HIP1R: variants seen among roughly 807,000 people sequenced by gnomAD.
HIP1R encodes huntingtin interacting protein 1 related.
A neutral mutation model predicts 144.2 loss-of-function variants in HIP1R; 135 were observed. The observed-to-expected ratio is 0.94, with a 90% confidence interval of 0.81 to 1.08. HIP1R has a LOEUF of 1.08. HIP1R is among the 50% of genes least tolerant of loss of function. The pLI is 0.00. For missense variants in HIP1R, 1,462 were observed against 1,432.8 expected (o/e 1.02, Z -0.33); for synonymous variants, 698 against 612.8 (o/e 1.14, Z -2.05).
rs932539609 is a variant in HIP1R, at chr12:122,836,107, G to A, written c.93+464G>A. 6.6e-6 allele frequency among the ~76,000 whole-genome samples: 1 copy of A among 152,144 alleles called. No homozygotes were observed. Among genetic ancestry groups the A allele is most frequent in the Non-Finnish European group, 1.5e-5 (1 of 68,006 alleles). ...CGACCTTCCGTGCCGCTCCTTGCCG[G>A]CTCCTGCCCCCGTCTCCTACCCCCT... On this transcript the variant is annotated intron_variant, in intron 1 of 31. Coordinates refer to ENST00000253083, the MANE Select transcript of HIP1R (RefSeq NM_003959.3). This position sits in a 1 kb window ranked among gnomAD's most constrained non-coding sequence, Gnocchi z 4.1.
At chr12:122,845,785 G>A (rs2033192219) in intron 1 of HIP1R, among the ~76,000 whole-genome samples, 1 of 152,200 alleles carries the variant, frequency 6.6e-6, no homozygotes, top group South Asian at 2.1e-4. Flanking sequence ...GGTGCCGGGT[G>A]CGGGGAGCTG....
In HIP1R at chr12:122,855,138, C is replaced by G; in HGVS notation, c.852+10C>G. The G allele has an allele frequency of 6.2e-7, 1 of 1,613,300 alleles. No individual in the cohort carries two copies. Among genetic ancestry groups the G allele is most frequent in the Non-Finnish European group, 8.5e-7 (1 of 1,179,890 alleles). The stretch of plus-strand genomic sequence containing the variant: ...CCCCCGGCTGCCCGAGGTACCACCC[C>G]CAAGAGGGCCCCGAGGCCCTTTGAG... On this transcript the variant is annotated intron_variant, in intron 10 of 31. Transcript: ENST00000253083.
intron 1 of HIP1R, among the ~76,000 whole-genome samples, chr12:122,841,349 G>A (rs143383371): frequency 9.2e-5 from 14 of 152,324 alleles, no homozygotes; most frequent in Non-Finnish European, 2.1e-4. Flanking sequence ...GACCAGGCTC[G>A]CCTGAGAAGT....
intron 1 of HIP1R, among the ~76,000 whole-genome samples, chr12:122,842,417 T>A (rs1429731086): frequency 6.6e-6 from 1 of 152,264 alleles, no homozygotes; most frequent in Non-Finnish European, 1.5e-5. Context: ...CCTGAAGTCG[T>A]CCAGTACTTG....
At chr12:122,854,223 T>G (rs888477699) in intron 8 of HIP1R, 40 bp downstream of exon 8, 1 of 1,586,128 alleles carries the variant, frequency 6.3e-7, no homozygotes, top group Non-Finnish European at 8.6e-7. Context: ...GAAGGCTGTG[T>G]TTATATGGCT....
chr12:122,856,807 G>A, intron 17 of HIP1R, 81 bp downstream of exon 17: 1 of 1,266,502 alleles, frequency 7.9e-7, no homozygotes. Flanking sequence ...CCGTGAACAG[G>A]CCCCACCTGG....
Position 122,854,962 on chromosome 12 carries a change from G to A in HIP1R, c.776G>A (p.Ser259Asn). The A allele has an allele frequency of 6.2e-7, 1 of 1,612,716 alleles. No individual in the cohort carries two copies. Among genetic ancestry groups the A allele is most frequent in the Non-Finnish European group, 8.5e-7 (1 of 1,179,616 alleles). The change falls in exon 9 of 32, where the codon AGC becomes AAC. Residue 259 changes from serine (S) to asparagine (N), a missense_variant and splice_region_variant. Physicochemically the swap from Ser to Asn is conservative, Grantham distance 46. Around this residue, in one of 2 missense-constraint regions of HIP1R, gnomAD observed 350 missense variants for 421.1 expected, o/e 0.83. Transcript: ENST00000253083. ...HRDRFHEQFH[S>N]LRNFFRRASD... Reference sequence around the variant, plus strand: ...GACCGGTTCCACGAGCAGTTTCACAGGTACTGCCTGGGACAGGGACAGGAT... The same window carrying A: ...GACCGGTTCCACGAGCAGTTTCACAAGTACTGCCTGGGACAGGGACAGGAT...
chr12:122,850,007 C>A, intron 5 of HIP1R, 52 bp downstream of exon 5: 2 of 1,249,954 alleles, frequency 1.6e-6, no homozygotes, highest in Non-Finnish European at 2.4e-6. Context: ...GCTTTTCCCA[C>A]TGTGACGTTA....
chr12:122,834,855 C>A, upstream of HIP1R: 1 of 852,640 alleles, frequency 1.2e-6, no homozygotes, highest in Non-Finnish European at 1.7e-6. Flanking sequence ...CAGAATTGCA[C>A]AAAGAGGGGA....
At position 122,856,423 on chromosome 12, in the gene HIP1R, C is replaced by T. The variant is rs763521245; in HGVS notation, c.1402-9C>T. ...CAGCAGAGCATGAGCCCTTCCCCTG[C>T]CCATGCAGAACGCGGACACAGCCAA... On this transcript the variant is annotated splice_polypyrimidine_tract_variant and intron_variant, in intron 15 of 31. Coordinates refer to ENST00000253083, the MANE Select transcript of HIP1R (RefSeq NM_003959.3). The T allele has an allele frequency of 1.9e-6, 3 of 1,600,634 alleles. No homozygotes were observed. Among genetic ancestry groups the T allele is most frequent in the East Asian group, 4.5e-5 (2 of 44,144 alleles).
rs1046028861 is a variant in HIP1R at position 122,836,957 on chromosome 12, G to A, written c.93+1314G>A. On this transcript the variant is annotated intron_variant, in intron 1 of 31. Coordinates refer to ENST00000253083, the MANE Select transcript of HIP1R (RefSeq NM_003959.3). This position sits in a 1 kb window ranked among gnomAD's most constrained non-coding sequence, Gnocchi z 4.1. Reference sequence around the variant, plus strand: ...CTGCAAATTACCAATTTAGCCTTGTGATCTTCATCACCATCAACTGGTTCA... The same window carrying A: ...CTGCAAATTACCAATTTAGCCTTGTAATCTTCATCACCATCAACTGGTTCA... Among the ~76,000 whole-genome samples, 2 of 152,172 alleles carry A rather than the reference G, an allele frequency of 1.3e-5. No homozygotes were observed. Among genetic ancestry groups the A allele is most frequent in the Non-Finnish European group, 2.9e-5 (2 of 68,044 alleles).
At chr12:122,842,435 A>C (rs2033082631) in intron 1 of HIP1R, among the ~76,000 whole-genome samples, 1 of 152,224 alleles carries the variant, frequency 6.6e-6, no homozygotes, top group African/African-American at 2.4e-5. Flanking sequence ...TTGTCTTTGA[A>C]AGAGCTCTTG....
intron 1 of HIP1R, among the ~76,000 whole-genome samples, chr12:122,846,335 C>G (rs1023436680): frequency 1.3e-5 from 2 of 152,214 alleles, no homozygotes; most frequent in Non-Finnish European, 2.9e-5. Context: ...CCTTCTGTGC[C>G]TCAGTTTCCT....
At chr12:122,846,885 T>C (rs1198657983) in intron 1 of HIP1R, among the ~76,000 whole-genome samples, 5 of 152,204 alleles carry the variant, frequency 3.3e-5, no homozygotes, top group Admixed American at 3.3e-4. Context: ...TAGACCCTAA[T>C]TGGATGTCCT....
chr12:122,849,971 G>C lies in HIP1R; in HGVS notation c.438+16G>C, dbSNP rs200665144. The C allele has an allele frequency of 1.9e-6, 3 of 1,591,174 alleles. No homozygotes were observed. The highest frequency in any genetic ancestry group is 4.5e-5 in the East Asian group (2 of 44,798). On this transcript the variant is annotated intron_variant, in intron 5 of 31. Transcript: ENST00000253083. ...CCACCTCAAGGTGGTTTCCTCGGGG[G>C]AGTCATGGGGCTGAGGGACCCGTGG...
intron 23 of HIP1R, 97 bp from the exon 24 acceptor site, chr12:122,859,675 G>GT: frequency 6.9e-7 from 1 of 1,456,022 alleles, no homozygotes; most frequent in Non-Finnish European, 9.5e-7. Flanking sequence ...CCAGGGGCCT[G>GT]TGAGGTCAGA....
At chr12:122,843,714 T>C (rs982127282) in intron 1 of HIP1R, among the ~76,000 whole-genome samples, 3 of 152,176 alleles carry the variant, frequency 2.0e-5, no homozygotes, top group Non-Finnish European at 4.4e-5. Context: ...CCGAGGATTT[T>C]TCGAGACCCG....
chr12:122,856,198 G>A, intron 14 of HIP1R, 35 bp downstream of exon 14: 2 of 1,612,188 alleles, frequency 1.2e-6, no homozygotes, highest in East Asian at 4.5e-5. Flanking sequence ...GTCCAAGGGT[G>A]TGTCCCCAGC....
At chr12:122,856,751 G>T in intron 17 of HIP1R, 25 bp downstream of exon 17, 1 of 1,529,488 alleles carries the variant, frequency 6.5e-7, no homozygotes, top group Non-Finnish European at 8.9e-7. Context: ...GATGACTGGA[G>T]GTGGGGTTCT....
Sources: allele counts gnomAD v4.1 joint callset (sites outside exome capture counted in the v4.1 genomes callset), GRCh38; gene constraint gnomAD v4.1.1; regional missense constraint gnomAD v4.1.1; non-coding constraint Gnocchi (gnomAD v3.1); transcripts MANE v1.5; gene names NCBI Gene and HGNC (gene_info 2026-07-23, HGNC 2026-07-21).